TRAK1: variants seen among roughly 807,000 people sequenced by gnomAD.
The protein encoded by TRAK1 is trafficking kinesin-binding protein 1.
A neutral mutation model predicts 92.1 loss-of-function variants in TRAK1; 33 were observed. The observed-to-expected ratio is 0.36, with a 90% CI of 0.27 to 0.48. TRAK1 has a LOEUF of 0.48. TRAK1 is among the 20% of genes least tolerant of loss of function. TRAK1 has a pLI of 0.99. For synonymous variants in TRAK1, 521 were observed against 517.3 expected (o/e 1.01, Z -0.10); for missense variants, 1,123 against 1,257.9 (o/e 0.89, Z 1.62).
chr3:42,092,719 T>TTATGA (rs1705272956), intron 1 of TRAK1, among the ~76,000 whole-genome samples: 4 of 130,416 alleles, frequency 3.1e-5, no homozygotes, highest in Admixed American at 8.6e-5. Flanking sequence ...TTGTGTTATG[T>TTATGA]TATGTTATGT....
At chr3:42,100,491 A>T (rs1459970150) in intron 1 of TRAK1, among the ~76,000 whole-genome samples, 1 of 151,826 alleles carries the variant, frequency 6.6e-6, no homozygotes, top group African/African-American at 2.4e-5. Flanking sequence ...CTTCCCATCC[A>T]CTCTGTTTAC....
chr3:42,019,116 A>C (rs1384881544), intron 1 of TRAK1, among the ~76,000 whole-genome samples: 1 of 152,128 alleles, frequency 6.6e-6, no homozygotes, highest in Non-Finnish European at 1.5e-5. Context: ...GTATTAAAAA[A>C]GAAAAAGAAA....
intron 1 of TRAK1, among the ~76,000 whole-genome samples, chr3:42,101,905 T>C (rs994994133): frequency 2.0e-5 from 3 of 152,212 alleles, no homozygotes; most frequent in Admixed American, 6.5e-5. Flanking sequence ...CTCCGCGTTA[T>C]TAAGCTGTAA....
chr3:42,028,117 C>T (rs1262270294), intron 1 of TRAK1, among the ~76,000 whole-genome samples: 2 of 152,220 alleles, frequency 1.3e-5, no homozygotes, highest in Non-Finnish European at 2.9e-5. Context: ...TCCCAAAGTG[C>T]TGGGATTACA....
rs118099940 is a variant in TRAK1, at chr3:42,179,784, A to G, written c.363+2894A>G. ...ACCTTGCCTCATTTCTTGGGGGAAT[A>G]AAGGAACTAGTTCTTTTAATACCTT... On this transcript the variant is annotated intron_variant, in intron 3 of 15. Coordinates refer to ENST00000327628, the MANE Select transcript of TRAK1 (RefSeq NM_001042646.3). Among the ~76,000 whole-genome samples, 214 of 152,330 alleles carry G rather than the reference A, an allele frequency of 1.4e-3. 1 individual carries two copies. Among genetic ancestry groups the G allele is most frequent in the East Asian group, 7.3e-3 (38 of 5,188 alleles).
chr3:42,204,822 C>T lies in TRAK1; in HGVS notation c.1744+2070C>T, dbSNP rs760102088. On this transcript the variant is annotated intron_variant, in intron 13 of 15. Coordinates refer to ENST00000327628, the MANE Select transcript of TRAK1 (RefSeq NM_001042646.3). ...GTCTTGAACCATTGCCCTCAAGTTA[C>T]CCTTCCACCTCAGCCTCCCAAAGTG... is the stretch of plus-strand genomic sequence containing the variant. Among the ~76,000 whole-genome samples, 33 of 152,094 alleles carry T rather than the reference C, an allele frequency of 2.2e-4. 1 individual carries two copies. Among genetic ancestry groups the T allele is most frequent in the Non-Finnish European group, 4.4e-5 (3 of 68,006 alleles).
At chr3:42,081,595 TAG>T (rs1415745412) in intron 1 of TRAK1, among the ~76,000 whole-genome samples, 1 of 152,134 alleles carries the variant, frequency 6.6e-6, no homozygotes, top group African/African-American at 2.4e-5. Context: ...GTGTCTGAGA[TAG>T]AGAGGCATTC....
chr3:42,113,399 T>TCTACCC (rs1177127979), intron 1 of TRAK1, among the ~76,000 whole-genome samples: 34 of 22,086 alleles, frequency 1.5e-3, no homozygotes, highest in African/African-American at 3.4e-3. Context: ...TACCCCTACC[T>TCTACCC]CTACCCCTAC....
chr3:42,125,712 T>A (rs1710467999), intron 2 of TRAK1, 98 bp downstream of exon 2: 11 of 1,362,200 alleles, frequency 8.1e-6, no homozygotes, highest in Non-Finnish European at 1.1e-5. Flanking sequence ...CCCTGTGATG[T>A]GGCTTGCCAC....
chr3:42,102,152 A>T (rs1024055955), intron 1 of TRAK1, among the ~76,000 whole-genome samples: 2 of 152,014 alleles, frequency 1.3e-5, no homozygotes, highest in Non-Finnish European at 2.9e-5. Context: ...TGCCTGGCTA[A>T]TTTTTGTATT....
At chr3:42,149,401 T>C (rs924537912) in intron 2 of TRAK1, 4 of 1,463,682 alleles carry the variant, frequency 2.7e-6, no homozygotes, top group East Asian at 2.5e-5. Context: ...TCGTTAAGAA[T>C]GTACAGCCTA....
chr3:42,134,986 T>C (rs1697760166), intron 2 of TRAK1, among the ~76,000 whole-genome samples: 1 of 151,948 alleles, frequency 6.6e-6, no homozygotes, highest in Non-Finnish European at 1.5e-5. Context: ...GCAATCCTCC[T>C]GCCTTTCCTT....
In TRAK1 at chr3:42,222,958, A is replaced by G. The variant is rs1710505977; in HGVS notation, c.2083A>G (p.Thr695Ala). ...RVTPSLNSAP[T>A]PACGSTSHLK... ...TTCTTTCAGCCTTAACTCAGCCCCA[A>G]CTCCAGCTTGTGGCAGCACCAGCCA... is the stretch of plus-strand genomic sequence containing the variant. Residue 695 changes from threonine (T) to alanine (A), a missense_variant, in exon 16 of 16, where the codon ACT (threonine) becomes GCT (alanine). Transcript: ENST00000327628. 3.7e-6 allele frequency: 6 copies of G among 1,613,086 alleles called. No individual in the cohort carries two copies. The highest frequency in any genetic ancestry group is 2.7e-5 in the African/African-American group (2 of 74,886).
chr3:42,199,663 G>A (rs572904768), intron 11 of TRAK1, among the ~76,000 whole-genome samples: 8 of 152,282 alleles, frequency 5.3e-5, no homozygotes, highest in Non-Finnish European at 1.2e-4. Context: ...TCACCATGTT[G>A]CTCAGGCTGA....
intron 1 of TRAK1, among the ~76,000 whole-genome samples, chr3:42,022,263 A>C (rs1289450823): frequency 2.0e-5 from 3 of 152,208 alleles, no homozygotes; most frequent in African/African-American, 7.2e-5. Context: ...TTGGTGTTAT[A>C]TATTTGGGAA....
At chr3:42,107,532 GAAAT>G (rs1559775247) in intron 1 of TRAK1, among the ~76,000 whole-genome samples, 1 of 148,138 alleles carries the variant, frequency 6.8e-6, no homozygotes, top group African/African-American at 2.5e-5. Flanking sequence ...AAAAAAAAAA[GAAAT>G]TAATTATTTA....
At chr3:42,082,330 A>G (rs556814812), upstream of TRAK1, among the ~76,000 whole-genome samples, 2 of 152,144 alleles carry the variant, frequency 1.3e-5, no homozygotes, top group African/African-American at 4.8e-5. Flanking sequence ...CAGGCCTGGC[A>G]GCTCACGCCT....
intron 2 of TRAK1, among the ~76,000 whole-genome samples, chr3:42,165,681 C>T (rs1440210232): frequency 5.3e-5 from 8 of 152,110 alleles, no homozygotes; most frequent in African/African-American, 1.7e-4. Flanking sequence ...TCGAGGGTGC[C>T]GTGCACAACT....
intron 2 of TRAK1, among the ~76,000 whole-genome samples, chr3:42,171,107 G>A (rs1470597180): frequency 2.0e-5 from 3 of 152,024 alleles, no homozygotes; most frequent in Non-Finnish European, 4.4e-5. Flanking sequence ...GAGCCACCGC[G>A]CGTGGCCCTG....
Sources: allele counts gnomAD v4.1 joint callset (sites outside exome capture counted in the v4.1 genomes callset), GRCh38; gene constraint gnomAD v4.1.1; transcripts MANE v1.5; gene names NCBI Gene and HGNC (gene_info 2026-07-23, HGNC 2026-07-21).